RIMS2: variants seen among roughly 807,000 people sequenced by gnomAD.
RIMS2 encodes regulating synaptic membrane exocytosis protein 2.
Under a neutral mutation model 174.4 loss-of-function variants are expected in RIMS2, and 59 were observed. The ratio of observed to expected loss-of-function variants is 0.34; its 90% CI spans 0.27 to 0.42. The LOEUF is 0.42. RIMS2 is among the 10% of genes least tolerant of loss of function. RIMS2 has a pLI of 1.00. For missense variants in RIMS2, 1,620 were observed against 1,666.3 expected, an observed-to-expected ratio of 0.97 and a Z score of 0.48; for synonymous variants, 606 against 572.5, an observed-to-expected ratio of 1.06 and a Z score of -0.84.
chr8:104,208,436 C>T (rs1161997167), intron 19 of RIMS2, among the ~76,000 whole-genome samples: 1 of 151,814 alleles, frequency 6.6e-6, no homozygotes, highest in East Asian at 1.9e-4. Flanking sequence ...GGCGCAATGG[C>T]GGGCACCTGT....
At chr8:103,941,793 A>G (rs1048567443) in intron 13 of RIMS2, among the ~76,000 whole-genome samples, 3 of 152,180 alleles carry the variant, frequency 2.0e-5, no homozygotes, top group Non-Finnish European at 4.4e-5. Context: ...AGAATTTTAA[A>G]TAAGACAGGC....
intron 19 of RIMS2, among the ~76,000 whole-genome samples, chr8:104,132,073 T>A (rs1298413583): frequency 1.3e-5 from 2 of 152,170 alleles, no homozygotes; most frequent in African/African-American, 4.8e-5. Flanking sequence ...TCTGTTACAA[T>A]CAAATGCATA....
intron 1 of RIMS2, among the ~76,000 whole-genome samples, chr8:103,589,457 G>A (rs1424031182): frequency 2.0e-5 from 3 of 151,606 alleles, no homozygotes; most frequent in Non-Finnish European, 3.0e-5. Context: ...TGAAGAAAAG[G>A]GAACCCTTGT....
In RIMS2 at chr8:103,916,546, G is replaced by T. The variant is rs117733379; in HGVS notation, c.2036+9G>T. 1,169 of 1,598,408 alleles carry T rather than the reference G, an allele frequency of 7.3e-4. 20 individuals carry two copies. The East Asian group carries it at 0.021, about 29-fold the overall frequency. ...GTTTCAAGGCCTATTGGGTAAGTTG[G>T]TTTCAGTATTTTATATGTGTGTGAA... On this transcript the variant is annotated intron_variant, in intron 8 of 23. Transcript: ENST00000504942.
intron 3 of RIMS2, among the ~76,000 whole-genome samples, chr8:103,834,676 T>TCCTTTC (rs2098847839): frequency 2.5e-5 from 3 of 120,096 alleles, no homozygotes; most frequent in Middle Eastern, 3.8e-3. Context: ...TCTGAGGTCT[T>TCCTTTC]TTTCTTTCTT....
chr8:103,641,530 G>A (rs1589556323), intron 1 of RIMS2, among the ~76,000 whole-genome samples: 1 of 151,998 alleles, frequency 6.6e-6, no homozygotes, highest in Admixed American at 6.6e-5. Context: ...CCAATCTCGT[G>A]ATGCTATAGC....
chr8:103,834,099 C>A (rs143173676), intron 3 of RIMS2, among the ~76,000 whole-genome samples: 1 of 151,914 alleles, frequency 6.6e-6, no homozygotes, highest in Non-Finnish European at 1.5e-5. Flanking sequence ...AGCCTCAACC[C>A]TCTGGGCTCA....
At chr8:103,912,193 G>A in intron 6 of RIMS2, 21 bp downstream of exon 9, 2 of 1,593,570 alleles carry the variant, frequency 1.3e-6, no homozygotes, top group Non-Finnish European at 1.7e-6. Context: ...AAAAGTATGA[G>A]ATTTTGGCTC....
At chr8:104,067,005 A>G (rs948823778) in intron 19 of RIMS2, among the ~76,000 whole-genome samples, 16 of 152,206 alleles carry the variant, frequency 1.1e-4, no homozygotes, top group Admixed American at 9.2e-4. Context: ...ATAATACTAA[A>G]AAATTAAAAC....
At chr8:103,607,095 C>T (rs2095134221) in intron 1 of RIMS2, among the ~76,000 whole-genome samples, 1 of 151,906 alleles carries the variant, frequency 6.6e-6, no homozygotes, top group Admixed American at 6.6e-5. Context: ...TCTTCCTAGT[C>T]TCGATGGTCT....
At chr8:103,575,700 A>ATATG (rs200754749) in intron 1 of RIMS2, among the ~76,000 whole-genome samples, 1 of 147,996 alleles carries the variant, frequency 6.8e-6, no homozygotes, top group African/African-American at 2.5e-5. Flanking sequence ...ATATATATAT[A>ATATG]CACATACAGC....
intron 13 of RIMS2, among the ~76,000 whole-genome samples, chr8:103,940,077 C>G (rs570157048): frequency 6.6e-6 from 1 of 152,336 alleles, no homozygotes; most frequent in South Asian, 2.1e-4. Context: ...TTCCAAAGCA[C>G]TTCCACATTT....
At chr8:103,806,287 T>G (rs2098649428) in intron 3 of RIMS2, among the ~76,000 whole-genome samples, 1 of 152,212 alleles carries the variant, frequency 6.6e-6, no homozygotes, top group African/African-American at 2.4e-5. Context: ...CTGAAGGCCT[T>G]GTTCTTTTTA....
intron 3 of RIMS2, among the ~76,000 whole-genome samples, chr8:103,872,791 T>A (rs553613482): frequency 6.6e-6 from 1 of 152,198 alleles, no homozygotes; most frequent in South Asian, 2.1e-4. Context: ...TATCTAAATC[T>A]TATTGGCCTG....
chr8:103,787,320 T>G (rs1268090155), intron 3 of RIMS2, among the ~76,000 whole-genome samples: 1 of 152,094 alleles, frequency 6.6e-6, no homozygotes, highest in Non-Finnish European at 1.5e-5. Flanking sequence ...CGTTATGATG[T>G]TAGCTGGTTA....
At chr8:103,809,377 A>G (rs950281141) in intron 3 of RIMS2, among the ~76,000 whole-genome samples, 1 of 151,998 alleles carries the variant, frequency 6.6e-6, no homozygotes, top group Non-Finnish European at 1.5e-5. Context: ...TCAATAACAC[A>G]TATAATTTCT....
At chr8:103,732,630 C>T (rs1233837121) in intron 2 of RIMS2, among the ~76,000 whole-genome samples, 1 of 152,084 alleles carries the variant, frequency 6.6e-6, no homozygotes, top group East Asian at 1.9e-4. Context: ...GTGCTTTGTA[C>T]TACTGCAGCT....
chr8:103,595,075 A>G (rs914134689), intron 1 of RIMS2, among the ~76,000 whole-genome samples: 3 of 151,812 alleles, frequency 2.0e-5, no homozygotes, highest in Non-Finnish European at 4.4e-5. Context: ...ATATGCTTCT[A>G]TAGAATTTAG....
intron 3 of RIMS2, among the ~76,000 whole-genome samples, chr8:103,825,091 C>G (rs2098780219): frequency 6.6e-6 from 1 of 151,962 alleles, no homozygotes; most frequent in African/African-American, 2.4e-5. Context: ...CTCTGAATTC[C>G]CACAGTTATA....
Sources: allele counts gnomAD v4.1 joint callset (sites outside exome capture counted in the v4.1 genomes callset), GRCh38; gene constraint gnomAD v4.1.1; transcripts MANE v1.5; gene names NCBI Gene and HGNC (gene_info 2026-07-23, HGNC 2026-07-21).